ANO10: variants seen among roughly 807,000 people sequenced by gnomAD.
ANO10 encodes anoctamin 10.
In ANO10, 77 loss-of-function variants were observed where a neutral mutation model predicts 74.7. That is an observed-to-expected ratio of 1.03 (90% confidence interval 0.86 to 1.25). The LOEUF is 1.25. ANO10 is among the 50% of genes most tolerant of loss of function. The pLI is 0.00. For synonymous variants in ANO10, 279 were observed against 284.9 expected (o/e 0.98, Z 0.21); for missense variants, 721 against 778.1 (o/e 0.93, Z 0.87).
At chr3:43,549,171 T>C (rs1243744371) in intron 11 of ANO10, among the ~76,000 whole-genome samples, 3 of 152,022 alleles carry the variant, frequency 2.0e-5, no homozygotes, top group African/African-American at 7.2e-5. Context: ...GGTGCCATCA[T>C]AGCTCACTGT....
intron 11 of ANO10, among the ~76,000 whole-genome samples, chr3:43,522,177 A>G (rs1024519909): frequency 3.3e-5 from 5 of 152,170 alleles, no homozygotes; most frequent in African/African-American, 9.7e-5. Flanking sequence ...TGCTGCGTAC[A>G]GAATTTCTGT....
At chr3:43,536,881 C>G (rs2149264950) in intron 11 of ANO10, among the ~76,000 whole-genome samples, 1 of 149,192 alleles carries the variant, frequency 6.7e-6, no homozygotes, top group South Asian at 2.1e-4. Context: ...TAAAATTTAC[C>G]TTTTAACTTA....
chr3:43,483,422 A>G (rs2149092448), intron 11 of ANO10, among the ~76,000 whole-genome samples: 1 of 152,304 alleles, frequency 6.6e-6, no homozygotes, highest in East Asian at 1.9e-4. Flanking sequence ...AAATAGACTC[A>G]AAAGTAACAG....
At chr3:43,443,202 G>A (rs972595377) in intron 11 of ANO10, among the ~76,000 whole-genome samples, 2 of 152,210 alleles carry the variant, frequency 1.3e-5, no homozygotes, top group African/African-American at 4.8e-5. Context: ...CTAGGCCTCT[G>A]GGCTGCCTGC....
intron 12 of ANO10, among the ~76,000 whole-genome samples, chr3:43,381,495 G>C (rs750242854): frequency 5.9e-5 from 9 of 152,074 alleles, no homozygotes; most frequent in Non-Finnish European, 8.8e-5. Flanking sequence ...AATGATAAAA[G>C]AAATAGTCCA....
At chr3:43,619,251 T>A (rs2083269532) in intron 1 of ANO10, among the ~76,000 whole-genome samples, 2 of 152,198 alleles carry the variant, frequency 1.3e-5, no homozygotes, top group Non-Finnish European at 2.9e-5. Flanking sequence ...CTGCACCAGG[T>A]CATCCTGTTT....
chr3:43,670,269 G>GGAGGCC (rs2084042155), intron 1 of ANO10, among the ~76,000 whole-genome samples: 1 of 151,926 alleles, frequency 6.6e-6, no homozygotes, highest in South Asian at 2.1e-4. Flanking sequence ...GGCTGAGGTG[G>GGAGGCC]GAGGATTGCT....
chr3:43,485,275 C>G, intron 11 of ANO10: 1 of 608,010 alleles, frequency 1.6e-6, no homozygotes, highest in Non-Finnish European at 3.0e-6. Context: ...GTTTGCCGCC[C>G]TTTGCCACCG....
intron 11 of ANO10, among the ~76,000 whole-genome samples, chr3:43,489,879 A>G (rs533955420): frequency 2.0e-4 from 30 of 152,058 alleles, no homozygotes; most frequent in Non-Finnish European, 4.1e-4. Flanking sequence ...GAAAAAAAAA[A>G]CTATCTTACA....
At chr3:43,636,029 A>AAAC (rs1275458149) in intron 1 of ANO10, among the ~76,000 whole-genome samples, 6 of 152,150 alleles carry the variant, frequency 3.9e-5, no homozygotes, top group African/African-American at 1.2e-4. Context: ...AAACAAAAAA[A>AAAC]AACAAAAAAA....
chr3:43,463,811 G>T (rs2075493465), intron 11 of ANO10, among the ~76,000 whole-genome samples: 1 of 152,166 alleles, frequency 6.6e-6, no homozygotes, highest in African/African-American at 2.4e-5. Context: ...ATGAGAGGAT[G>T]TGAGATTTGG....
intron 11 of ANO10, among the ~76,000 whole-genome samples, chr3:43,545,555 G>A (rs2079152714): frequency 1.3e-5 from 2 of 152,092 alleles, no homozygotes; most frequent in Admixed American, 6.5e-5. Flanking sequence ...TAGTACAGAC[G>A]GGGTTTCATC....
chr3:43,625,029 G>A (rs531073646), upstream of ANO10, among the ~76,000 whole-genome samples: 1 of 152,288 alleles, frequency 6.6e-6, no homozygotes, highest in Admixed American at 6.5e-5. Context: ...CTCTCTTTGG[G>A]TATTTCCTCC....
At chr3:43,461,410 G>T (rs1028647717) in intron 11 of ANO10, among the ~76,000 whole-genome samples, 8 of 152,152 alleles carry the variant, frequency 5.3e-5, no homozygotes, top group African/African-American at 1.9e-4. Flanking sequence ...TATTGGGAAA[G>T]TATATAAAAC....
At chr3:43,437,462 TTC>T (rs1283401925) in intron 11 of ANO10, among the ~76,000 whole-genome samples, 6 of 152,186 alleles carry the variant, frequency 3.9e-5, no homozygotes, top group Non-Finnish European at 8.8e-5. Context: ...ACATCTAACT[TTC>T]TGTCTTTTCA....
chr3:43,559,147 G>A (rs912933161), intron 9 of ANO10, among the ~76,000 whole-genome samples: 3 of 152,074 alleles, frequency 2.0e-5, no homozygotes, highest in African/African-American at 7.2e-5. Context: ...CTCCCTCACC[G>A]TCCTTCATAA....
At chr3:43,455,498 G>A (rs891281347) in intron 11 of ANO10, among the ~76,000 whole-genome samples, 5 of 151,954 alleles carry the variant, frequency 3.3e-5, no homozygotes, top group Non-Finnish European at 7.4e-5. Context: ...GGTGAGTCAG[G>A]CCCTTAAGTC....
chr3:43,431,992 T>A lies in ANO10; in HGVS notation c.1914+619A>T, dbSNP rs72863689. Among the ~76,000 whole-genome samples, 987 of 152,252 alleles carry A rather than the reference T, an allele frequency of 6.5e-3. 10 individuals carry two copies. Among genetic ancestry groups the A allele is most frequent in the African/African-American group, 0.02 (847 of 41,532 alleles). ...TGGCAATGCCTTACTGATTCTCTCA[T>A]TTCTTAAATTCCTATGCAGCACTAA... On this transcript the variant is annotated intron_variant, in intron 12 of 12. Coordinates refer to ENST00000292246, the MANE Select transcript of ANO10 (RefSeq NM_018075.5).
At chr3:43,497,367 C>T (rs2076953720) in intron 11 of ANO10, among the ~76,000 whole-genome samples, 1 of 152,198 alleles carries the variant, frequency 6.6e-6, no homozygotes, top group Non-Finnish European at 1.5e-5. Context: ...AAAGTATCCC[C>T]TAGTCACATA....
Sources: gnomAD v4.1 joint callset for allele counts (sites outside exome capture counted in the v4.1 genomes callset) on GRCh38, gnomAD v4.1.1 for gene constraint, MANE v1.5 for transcripts, NCBI Gene and HGNC (gene_info 2026-07-23, HGNC 2026-07-21) for gene names.